TRPM3: variants seen among roughly 807,000 people sequenced by gnomAD.
TRPM3 encodes the protein transient receptor potential cation channel subfamily M member 3, also known as long transient receptor potential channel 3.
A neutral mutation model predicts 181.2 loss-of-function variants in TRPM3; 77 were observed. The observed-to-expected ratio is 0.42, with a 90% CI of 0.35 to 0.51. TRPM3 has a LOEUF of 0.51. TRPM3 is among the 20% of genes least tolerant of loss of function. TRPM3 has a pLI of 0.01. For synonymous variants in TRPM3, 745 were observed against 796.4 expected, an observed-to-expected ratio of 0.94 and a Z score of 1.09; for missense variants, 1,759 against 2,196.7, an observed-to-expected ratio of 0.80 and a Z score of 3.98.
intron 8 of TRPM3, among the ~76,000 whole-genome samples, chr9:70,701,879 A>T (rs1375687919): frequency 6.6e-6 from 1 of 151,294 alleles, no homozygotes; most frequent in African/African-American, 2.4e-5. Context: ...CTTCCCAGTG[A>T]TGTTCAGTAT....
At position 70,625,518 on chromosome 9, in the gene TRPM3, C is replaced by T; in HGVS notation, c.1633-1G>A. ...TCCAACCGAAACCTGGATACTCTCG[C>T]TTGGAAAGAAGACATAAGTTAAATA... On this transcript the variant is annotated splice_acceptor_variant, in intron 12 of 25. Coordinates refer to ENST00000677713, the MANE Select transcript of TRPM3 (RefSeq NM_001366145.2). LOFTEE classifies it high-confidence loss of function. The surrounding 1 kb of genome is among the most constrained non-coding windows in gnomAD (Gnocchi z 4.8). 6.2e-7 allele frequency: 1 copy of T among 1,611,810 alleles called. No individual in the cohort carries two copies. Among genetic ancestry groups the T allele is most frequent in the Non-Finnish European group, 8.5e-7 (1 of 1,179,302 alleles).
chr9:71,020,874 C>T (rs1000240044), intron 1 of TRPM3, among the ~76,000 whole-genome samples: 1 of 152,170 alleles, frequency 6.6e-6, no homozygotes. Flanking sequence ...AATTGCACTT[C>T]TAGCATATGC....
rs372284766 is a variant in TRPM3, at chr9:70,934,141, G to A, written c.178-69630C>T. ...GTTATCTCAAGGCTCTATTCTTTAA[G>A]TATGATACATGAATTAGGAATGAAT... On this transcript the variant is annotated intron_variant, in intron 1 of 25. Coordinates refer to ENST00000677713, the MANE Select transcript of TRPM3 (RefSeq NM_001366145.2). Among the ~76,000 whole-genome samples the A allele has an allele frequency of 3.1e-3, 478 of 152,242 alleles. 6 individuals are homozygous for A. Among genetic ancestry groups the A allele is most frequent in the African/African-American group, 0.011 (442 of 41,544 alleles).
intron 1 of TRPM3, among the ~76,000 whole-genome samples, chr9:70,892,191 A>C (rs2096215243): frequency 6.6e-6 from 1 of 152,192 alleles, no homozygotes; most frequent in African/African-American, 2.4e-5. Flanking sequence ...TATATAGAGA[A>C]ATTAATTATT....
At chr9:71,376,551 A>G (rs937784796) in intron 1 of TRPM3, among the ~76,000 whole-genome samples, 2 of 152,138 alleles carry the variant, frequency 1.3e-5, no homozygotes, top group African/African-American at 4.8e-5. Flanking sequence ...ATTTCATCCA[A>G]TTTGTTAGGA....
intron 1 of TRPM3, among the ~76,000 whole-genome samples, chr9:71,118,861 T>C (rs2073017471): frequency 6.6e-6 from 1 of 152,118 alleles, no homozygotes. Flanking sequence ...TAAGAAATAC[T>C]GTTATTAAAT....
chr9:71,432,155 C>T (rs2093964413), intron 1 of TRPM3, among the ~76,000 whole-genome samples: 1 of 152,082 alleles, frequency 6.6e-6, no homozygotes, highest in Non-Finnish European at 1.5e-5. Flanking sequence ...CTGTGAATTA[C>T]CTCACTGCTC....
In TRPM3 at chr9:70,640,599, G is replaced by C. The variant is rs763650106; in HGVS notation, c.1407C>G (p.Ile469Met). Residue 469 changes from isoleucine (I) to methionine (M), a missense_variant, in exon 10 of 26, where the codon ATC becomes ATG. By Grantham distance (10) the Ile-to-Met change is conservative. Around this residue, in one of 8 missense-constraint regions of TRPM3, gnomAD observed 737 missense variants for 957.4 expected, o/e 0.77. Coordinates refer to ENST00000677713, the MANE Select transcript of TRPM3 (RefSeq NM_001366145.2). ...CGTAAATAAAGATCTGGCTGCGAGC[G>C]ATGTCGACTCTGTTCCAGGCTAAAG... ...SLALAWNRVD[I>M]ARSQIFIYGQ... 6.2e-7 allele frequency: 1 copy of C among 1,613,736 alleles called. No individual in the cohort carries two copies. Among genetic ancestry groups the C allele is most frequent in the Non-Finnish European group, 8.5e-7 (1 of 1,179,820 alleles).
intron 1 of TRPM3, among the ~76,000 whole-genome samples, chr9:70,892,214 T>C (rs1303395142): frequency 2.0e-5 from 3 of 152,218 alleles, no homozygotes; most frequent in Non-Finnish European, 1.5e-5. Context: ...TGGAGTAAGA[T>C]AATTTACTTC....
chr9:71,394,896 G>A (rs1174786040), intron 1 of TRPM3, among the ~76,000 whole-genome samples: 2 of 152,134 alleles, frequency 1.3e-5, no homozygotes, highest in Non-Finnish European at 2.9e-5. Flanking sequence ...AATTCAAACT[G>A]TCCACAGGAG....
chr9:70,789,170 A>G (rs2084715796), intron 6 of TRPM3, among the ~76,000 whole-genome samples: 1 of 152,244 alleles, frequency 6.6e-6, no homozygotes, highest in African/African-American at 2.4e-5. Flanking sequence ...TAGAATCTGC[A>G]GGATAAGACT....
chr9:70,616,200 GCA>G, intron 17 of TRPM3, 125 bp from the exon 18 acceptor site: 1 of 572,552 alleles, frequency 1.7e-6, no homozygotes. Context: ...GTGTACACAT[GCA>G]CACACAGTTG....
At chr9:71,372,338 G>T (rs1165181798) in intron 1 of TRPM3, among the ~76,000 whole-genome samples, 1 of 151,976 alleles carries the variant, frequency 6.6e-6, no homozygotes, top group African/African-American at 2.4e-5. Flanking sequence ...ATTCCTTTGG[G>T]TATATACCCA....
intron 1 of TRPM3, among the ~76,000 whole-genome samples, chr9:71,027,241 G>A (rs995676153): frequency 1.3e-5 from 2 of 152,182 alleles, no homozygotes; most frequent in Non-Finnish European, 2.9e-5. Flanking sequence ...CAGTAGTGAA[G>A]CTAGTCCACT....
rs560333679 is a variant in TRPM3 at position 70,644,977 on chromosome 9, A to G, written c.1346-4317T>C. On this transcript the variant is annotated intron_variant, in intron 9 of 25. Coordinates refer to ENST00000677713, the MANE Select transcript of TRPM3 (RefSeq NM_001366145.2). ...TTCACAATTGCTACAAAGAGAATAAAATACTTAGGAATACAACTTACAAGG... is the reference window on the plus strand; with the variant it reads ...TTCACAATTGCTACAAAGAGAATAAGATACTTAGGAATACAACTTACAAGG... Among the ~76,000 whole-genome samples, 24 of 152,310 alleles carry G rather than the reference A, an allele frequency of 1.6e-4. 1 individual carries two copies. The highest frequency in any genetic ancestry group is 5.8e-4 in the African/African-American group (24 of 41,576).
At chr9:71,412,322 T>C (rs914838800) in intron 1 of TRPM3, among the ~76,000 whole-genome samples, 1 of 151,970 alleles carries the variant, frequency 6.6e-6, no homozygotes, top group African/African-American at 2.4e-5. Context: ...ACCTACAGAA[T>C]GGGAAAAATT....
At chr9:71,304,618 T>C (rs1278813358) in intron 1 of TRPM3, among the ~76,000 whole-genome samples, 1 of 152,186 alleles carries the variant, frequency 6.6e-6, no homozygotes, top group Non-Finnish European at 1.5e-5. Context: ...GAATAGTGCA[T>C]CATAGACATG....
chr9:70,595,265 T>C (rs947580053), intron 21 of TRPM3, among the ~76,000 whole-genome samples: 17 of 152,214 alleles, frequency 1.1e-4, no homozygotes, highest in African/African-American at 3.4e-4. Context: ...TCAGATTTTA[T>C]TTGTTAAAAT....
intron 6 of TRPM3, among the ~76,000 whole-genome samples, chr9:70,805,573 A>ACC (rs2090504162): frequency 6.7e-6 from 1 of 149,222 alleles, no homozygotes; most frequent in Admixed American, 6.7e-5. Context: ...GATTGACTTT[A>ACC]CCACAAACCA....
Sources: allele counts gnomAD v4.1 joint callset (sites outside exome capture counted in the v4.1 genomes callset), GRCh38; gene constraint gnomAD v4.1.1; regional missense constraint gnomAD v4.1.1; non-coding constraint Gnocchi (gnomAD v3.1); transcripts MANE v1.5; gene names NCBI Gene and HGNC (gene_info 2026-07-23, HGNC 2026-07-21).